The following ATM variants were observed in gnomAD, a reference collection of about 807,000 sequenced individuals.
ATM encodes serine-protein kinase ATM.
ATM carries 308 observed loss-of-function variants against 387.0 expected under a neutral mutation model. That is an observed-to-expected ratio of 0.80 (90% CI 0.73 to 0.87). ATM has a LOEUF of 0.87. ATM is among the 40% of genes least tolerant of loss of function. The pLI, the probability that ATM is intolerant of heterozygous loss-of-function variation, is 0.00. For missense variants in ATM, 3,312 were observed against 3,560.9 expected (o/e 0.93, Z 1.78); for synonymous variants, 1,156 against 1,187.3 (o/e 0.97, Z 0.54).
chr11:108,286,938 A>G (rs2082524598), intron 26 of ATM, among the ~76,000 whole-genome samples: 1 of 152,178 alleles, frequency 6.6e-6, no homozygotes, highest in African/African-American at 2.4e-5. Flanking sequence ...CATTTAACTA[A>G]AGTGCAACAT....
intron 24 of ATM, 60 bp downstream of exon 24, chr11:108,281,228 A>G (rs2135671595): frequency 6.4e-7 from 1 of 1,560,450 alleles, no homozygotes. Context: ...ATAATTTAAA[A>G]AGTTAAAGCT....
chr11:108,272,925 T>G (rs2081679573), intron 22 of ATM, 73 bp downstream of exon 22: 1 of 1,583,394 alleles, frequency 6.3e-7, no homozygotes, highest in South Asian at 1.1e-5. Flanking sequence ...TAGTAACAGC[T>G]CACAGTTGCA....
At chr11:108,225,048 T>TG (rs145123679) in intron 1 of ATM, 3 of 152,102 alleles carry the variant, frequency 2.0e-5, no homozygotes, top group Admixed American at 2.0e-4. Flanking sequence ...AGTCACACCA[T>TG]GGGGAAAAAA....
Position 108,265,288 on chromosome 11 carries a change from T to C in ATM, c.2467-1883T>C, listed in dbSNP as rs376810565. Among the ~76,000 whole-genome samples the C allele has an allele frequency of 1.8e-4, 28 of 152,064 alleles. No homozygotes were observed. The East Asian group carries it at 2.1e-3, about 12-fold the overall frequency. ...TGGTACTGGTACCAAAACAGAGATA[T>C]AGATCAATGGAACAGAACAGAGCCC... On this transcript the variant is annotated intron_variant, in intron 16 of 62. Coordinates refer to ENST00000675843, the MANE Select transcript of ATM (RefSeq NM_000051.4).
intron 1 of ATM, chr11:108,227,257 C>T (rs1449240166): frequency 2.1e-5 from 4 of 194,198 alleles, no homozygotes; most frequent in South Asian, 1.7e-4. Flanking sequence ...GTGATCCTCC[C>T]ACCTTGGCCT....
At chr11:108,359,236 G>A (rs1420569531) in intron 61 of ATM, among the ~76,000 whole-genome samples, 1 of 151,468 alleles carries the variant, frequency 6.6e-6, no homozygotes. Context: ...AATTCAACAA[G>A]AAGAGCTAAC....
At chr11:108,232,301 C>G (rs914732111) in intron 4 of ATM, among the ~76,000 whole-genome samples, 28 of 152,010 alleles carry the variant, frequency 1.8e-4, no homozygotes, top group African/African-American at 5.8e-4. Flanking sequence ...GGGGCAAAAC[C>G]AGGGAGTTAC....
At chr11:108,365,046 C>T (rs2137863582) in intron 61 of ATM, 36 bp from the exon 62 acceptor site, 1 of 1,606,148 alleles carries the variant, frequency 6.2e-7, no homozygotes, top group African/African-American at 1.3e-5. Flanking sequence ...TTAAAATGTA[C>T]ATTGTTCTTT....
rs1555085277 is a variant in ATM at position 108,271,421 on chromosome 11, T to C, written c.3077+15T>C. 22 of 1,613,922 alleles carry C rather than the reference T, an allele frequency of 1.4e-5. No homozygotes were observed. The highest frequency in any genetic ancestry group is 1.8e-5 in the Non-Finnish European group (21 of 1,179,938). On this transcript the variant is annotated intron_variant, in intron 20 of 62. Transcript: ENST00000675843. ...GGAGCATTTTGGTAGGTACAGTCTA[T>C]TTTGTGGTCCTATTTTTCTTTTGCT...
rs547193739 is a variant in ATM, at chr11:108,340,967, G to A, written c.8269-2255G>A. ...TTTTGGTGAATATTTTTGATCCACA[G>A]TTGGTTGAATCTGCAGCTGCAGAGG... On this transcript the variant is annotated intron_variant, in intron 56 of 62. Coordinates refer to ENST00000675843, the MANE Select transcript of ATM (RefSeq NM_000051.4). 6.6e-5 allele frequency among the ~76,000 whole-genome samples: 10 copies of A among 152,240 alleles called. No homozygotes were observed. In the South Asian group the frequency reaches 1.9e-3, roughly 28 times the overall value.
At chr11:108,362,828 T>G (rs1231358190) in intron 61 of ATM, among the ~76,000 whole-genome samples, 2 of 145,614 alleles carry the variant, frequency 1.4e-5, no homozygotes, top group Admixed American at 6.8e-5. Flanking sequence ...AGGGATAGCA[T>G]TGGGAGATAT....
At chr11:108,262,071 C>T (rs2080927175) in intron 16 of ATM, among the ~76,000 whole-genome samples, 1 of 149,412 alleles carries the variant, frequency 6.7e-6, no homozygotes, top group South Asian at 2.1e-4. Context: ...AGGATATTAT[C>T]CAGGAGAACT....
In ATM at chr11:108,272,889, T is replaced by A. The variant is rs368258636; in HGVS notation, c.3284+37T>A. On this transcript the variant is annotated intron_variant, in intron 22 of 62. Coordinates refer to ENST00000675843, the MANE Select transcript of ATM (RefSeq NM_000051.4). ...AATATTCATGAAGTATTTGGAATGC[T>A]GCAGATGGCAGTAGAATGTCTTACA... 1.5e-4 allele frequency: 248 copies of A among 1,613,110 alleles called. No individual in the cohort carries two copies. The highest frequency in any genetic ancestry group is 1.9e-4 in the Non-Finnish European group (225 of 1,179,732).
intron 4 of ATM, chr11:108,229,584 A>G: frequency 2.7e-6 from 1 of 371,970 alleles, no homozygotes; most frequent in Middle Eastern, 7.8e-4. Context: ...CGTTGTAAAC[A>G]CCACTGCACT....
chr11:108,297,008 C>T (rs1485869292), intron 32 of ATM: 1 of 383,826 alleles, frequency 2.6e-6, no homozygotes, highest in Non-Finnish European at 4.9e-6. Flanking sequence ...TCTTGTGCTT[C>T]TGTTTGTGAT....
At chr11:108,311,115 C>T (rs1463204839) in intron 39 of ATM, among the ~76,000 whole-genome samples, 1 of 151,820 alleles carries the variant, frequency 6.6e-6, no homozygotes, top group African/African-American at 2.4e-5. Flanking sequence ...TATAGGCACA[C>T]ACCACTGCAT....
In ATM at chr11:108,329,236, C is replaced by A. The variant is rs1160508407; in HGVS notation, c.7305C>A (p.Asn2435Lys). 6.2e-7 allele frequency: 1 copy of A among 1,610,942 alleles called. No homozygotes were observed. ...TTAGGGAACATAAAATTCAGACAAA[C>A]AGGTAACTAGGTTTCTACAAGTGAC... ...GLLREHKIQT[N>K]RYTVKVQREL... Residue 2435 changes from asparagine to lysine, a missense_variant and splice_region_variant, in exon 49 of 63, where the codon AAC becomes AAA. Physicochemically the swap from Asn to Lys is moderately conservative, Grantham distance 94. Coordinates refer to ENST00000675843, the MANE Select transcript of ATM (RefSeq NM_000051.4).
At chr11:108,283,106 T>C (rs1387948541) in intron 25 of ATM, among the ~76,000 whole-genome samples, 1 of 152,214 alleles carries the variant, frequency 6.6e-6, no homozygotes, top group Non-Finnish European at 1.5e-5. Flanking sequence ...TATCTGACTT[T>C]GGTCAAACCA....
At chr11:108,356,725 A>G (rs545748976) in intron 61 of ATM, among the ~76,000 whole-genome samples, 2 of 152,288 alleles carry the variant, frequency 1.3e-5, no homozygotes, top group African/African-American at 4.8e-5. Context: ...TAGTTCTTTT[A>G]GGGCCTCAGA....
Sources: allele counts gnomAD v4.1 joint callset (sites outside exome capture counted in the v4.1 genomes callset), GRCh38; gene constraint gnomAD v4.1.1; transcripts MANE v1.5; gene names NCBI Gene and HGNC (gene_info 2026-07-23, HGNC 2026-07-21).